NKAIN3: variants seen among roughly 807,000 people sequenced by gnomAD.
NKAIN3 encodes the protein sodium/potassium-transporting ATPase subunit beta-1-interacting protein 3.
In NKAIN3, 25 loss-of-function variants were observed where a neutral mutation model predicts 30.2. The ratio of observed to expected loss-of-function variants is 0.83; its 90% CI spans 0.60 to 1.16. NKAIN3 has a LOEUF of 1.16. Among genes scored for constraint, NKAIN3 ranks in the 50% most tolerant of loss-of-function variants. NKAIN3 has a pLI of 0.00. For missense variants in NKAIN3, 225 were observed against 254.1 expected (o/e 0.89, Z 0.78); for synonymous variants, 91 against 89.6 (o/e 1.02, Z -0.09).
chr8:62,715,266 TC>T (rs1164935330), intron 3 of NKAIN3, among the ~76,000 whole-genome samples: 1 of 152,012 alleles, frequency 6.6e-6, no homozygotes, highest in East Asian at 1.9e-4. Flanking sequence ...GGGACATAAA[TC>T]GAAACCATAT....
intron 5 of NKAIN3, among the ~76,000 whole-genome samples, chr8:62,940,458 G>C (rs1822921220): frequency 6.6e-6 from 1 of 152,212 alleles, no homozygotes; most frequent in Admixed American, 6.5e-5. Context: ...AACAACTGCA[G>C]AATAGACATT....
At chr8:62,387,009 A>G (rs1817449488) in intron 1 of NKAIN3, among the ~76,000 whole-genome samples, 1 of 152,200 alleles carries the variant, frequency 6.6e-6, no homozygotes, top group African/African-American at 2.4e-5. Context: ...TGGGATAAAC[A>G]TGAAAGGTCA....
chr8:62,777,740 G>T (rs1232735142), intron 4 of NKAIN3, among the ~76,000 whole-genome samples: 1 of 152,062 alleles, frequency 6.6e-6, no homozygotes, highest in African/African-American at 2.4e-5. Context: ...TTCCTTGATA[G>T]CCTTGATACT....
chr8:62,897,990 A>G (rs1821486893), intron 4 of NKAIN3, among the ~76,000 whole-genome samples: 5 of 152,186 alleles, frequency 3.3e-5, no homozygotes, highest in Admixed American at 3.3e-4. Flanking sequence ...AGTCTCAGGT[A>G]TTCTGTTATA....
intron 1 of NKAIN3, among the ~76,000 whole-genome samples, chr8:62,536,594 G>C (rs1808671607): frequency 6.6e-6 from 1 of 151,830 alleles, no homozygotes; most frequent in African/African-American, 2.4e-5. Context: ...ATCTAGTAAG[G>C]CCTGAGGAAA....
intron 4 of NKAIN3, among the ~76,000 whole-genome samples, chr8:62,770,611 C>T (rs1454207309): frequency 6.6e-6 from 1 of 152,110 alleles, no homozygotes; most frequent in Non-Finnish European, 1.5e-5. Context: ...GATACCATCA[C>T]ATTGGCGGTT....
intron 1 of NKAIN3, among the ~76,000 whole-genome samples, chr8:62,382,752 G>C (rs963844614): frequency 6.6e-5 from 10 of 152,010 alleles, no homozygotes; most frequent in African/African-American, 2.4e-4. Flanking sequence ...TTCTCCTCTG[G>C]TGTGGTGGCT....
Position 62,828,331 on chromosome 8 carries a change from A to G in NKAIN3, c.471+81202A>G, listed in dbSNP as rs117495375. Among the ~76,000 whole-genome samples the G allele has an allele frequency of 1.4e-3, 215 of 152,100 alleles. 1 individual carries two copies. In the East Asian group the frequency reaches 0.021, roughly 15 times the overall value. ...AAACTGTCTTGAGCCTAGTTGTAAT[A>G]TGGCTATACAAATCTACACACATAT... On this transcript the variant is annotated intron_variant, in intron 4 of 6. Coordinates refer to ENST00000623646, the MANE Select transcript of NKAIN3 (RefSeq NM_001304533.3).
Position 62,850,110 on chromosome 8 carries a change from G to A in NKAIN3, c.472-68343G>A, listed in dbSNP as rs189938675. 3.3e-5 allele frequency among the ~76,000 whole-genome samples: 5 copies of A among 152,138 alleles called. No homozygotes were observed. In the East Asian group the frequency reaches 9.7e-4, roughly 29 times the overall value. ...ATCCTATTTCTCCAGATCCTCTCCA[G>A]CACCTGTTGTTTCCTGACTTTTTAA... On this transcript the variant is annotated intron_variant, in intron 4 of 6. Coordinates refer to ENST00000623646, the MANE Select transcript of NKAIN3 (RefSeq NM_001304533.3).
intron 4 of NKAIN3, among the ~76,000 whole-genome samples, chr8:62,814,439 C>T (rs1379280184): frequency 6.6e-5 from 10 of 151,900 alleles, no homozygotes; most frequent in Non-Finnish European, 1.5e-4. Context: ...TTTTTTTCAG[C>T]ACCATGCCAC....
intron 4 of NKAIN3, among the ~76,000 whole-genome samples, chr8:62,775,296 T>A (rs1489526778): frequency 6.6e-6 from 1 of 151,724 alleles, no homozygotes; most frequent in East Asian, 1.9e-4. Flanking sequence ...TTCGTTCATT[T>A]TTTTCTTCAT....
At chr8:62,790,932 C>T (rs776650593) in intron 4 of NKAIN3, among the ~76,000 whole-genome samples, 26 of 152,080 alleles carry the variant, frequency 1.7e-4, no homozygotes, top group South Asian at 4.1e-4. Context: ...CTATCTCGGC[C>T]GATGACCATC....
chr8:62,438,508 C>G (rs1226234507), intron 1 of NKAIN3, among the ~76,000 whole-genome samples: 2 of 152,140 alleles, frequency 1.3e-5, no homozygotes, highest in Non-Finnish European at 2.9e-5. Flanking sequence ...TACCTCTCTC[C>G]TGCTCTGGCT....
intron 1 of NKAIN3, among the ~76,000 whole-genome samples, chr8:62,277,177 C>CA (rs1181547383): frequency 6.6e-6 from 1 of 152,052 alleles, no homozygotes; most frequent in Non-Finnish European, 1.5e-5. Context: ...ACAGAACAAG[C>CA]ATATTTCAGC....
In NKAIN3 at chr8:62,656,068, A is replaced by G. The variant is rs139900418; in HGVS notation, c.273+66274A>G. Among the ~76,000 whole-genome samples, 510 of 152,232 alleles carry G rather than the reference A, an allele frequency of 3.4e-3. 5 individuals are homozygous for G. Among genetic ancestry groups the G allele is most frequent in the African/African-American group, 0.012 (483 of 41,548 alleles). On this transcript the variant is annotated intron_variant, in intron 3 of 6. Coordinates refer to ENST00000623646, the MANE Select transcript of NKAIN3 (RefSeq NM_001304533.3). ...AGACCAGAGTGATGGCTCCAGAGAC[A>G]GATCTCAAGGAGAAGGTGGAAGCTG...
At chr8:62,421,504 T>C (rs926623631) in intron 1 of NKAIN3, among the ~76,000 whole-genome samples, 3 of 152,064 alleles carry the variant, frequency 2.0e-5, no homozygotes, top group African/African-American at 7.2e-5. Context: ...TTTGAGGAAG[T>C]AACCTATTTG....
At chr8:62,861,138 G>A (rs1820226853) in intron 4 of NKAIN3, among the ~76,000 whole-genome samples, 2 of 152,128 alleles carry the variant, frequency 1.3e-5, no homozygotes, top group African/African-American at 4.8e-5. Flanking sequence ...TACTGCGGAG[G>A]GTTCTCAAGG....
intron 1 of NKAIN3, among the ~76,000 whole-genome samples, chr8:62,475,920 C>T (rs1806504825): frequency 6.6e-6 from 1 of 152,132 alleles, no homozygotes; most frequent in Non-Finnish European, 1.5e-5. Context: ...TCTTCTTGAA[C>T]TTGGGCAAGT....
At chr8:62,625,448 G>A (rs574116294) in intron 3 of NKAIN3, among the ~76,000 whole-genome samples, 1 of 152,128 alleles carries the variant, frequency 6.6e-6, no homozygotes, top group South Asian at 2.1e-4. Context: ...ATCTACTTAA[G>A]CACTGTGCTA....
Sources: allele counts gnomAD v4.1 joint callset (sites outside exome capture counted in the v4.1 genomes callset), GRCh38; gene constraint gnomAD v4.1.1; transcripts MANE v1.5; gene names NCBI Gene and HGNC (gene_info 2026-07-23, HGNC 2026-07-21).